Variants in F3 observed in about 807,000 individuals in gnomAD.
F3 encodes coagulation factor III, tissue factor.
A neutral mutation model predicts 33.5 loss-of-function variants in F3; 18 were observed. The observed-to-expected ratio is 0.54, with a 90% CI of 0.37 to 0.80. The LOEUF is 0.80. Ranked by LOEUF, F3 falls within the 30% of genes least tolerant of loss-of-function variation. The pLI, the probability that F3 is intolerant of heterozygous loss-of-function variation, is 0.00. For missense variants in F3, 353 were observed against 362.1 expected (o/e 0.97, Z 0.20); for synonymous variants, 147 against 140.7 (o/e 1.05, Z -0.32).
intron 2 of F3, among the ~76,000 whole-genome samples, chr1:94,538,399 C>T (rs1651673153): frequency 6.6e-6 from 1 of 152,204 alleles, no homozygotes; most frequent in Non-Finnish European, 1.5e-5. Context: ...TTCTGCACAG[C>T]AGTAGTGTCC....
intron 1 of F3, 80 bp from the exon 2 acceptor site, chr1:94,540,448 C>A: frequency 1.2e-6 from 1 of 808,042 alleles, no homozygotes; most frequent in South Asian, 1.7e-5. Flanking sequence ...CACCTTCCCA[C>A]CTGACATCAC....
At chr1:94,532,975 A>G in intron 4 of F3, 115 bp downstream of exon 4, 3 of 1,087,982 alleles carry the variant, frequency 2.8e-6, no homozygotes, top group Non-Finnish European at 4.0e-6. Context: ...CTTCTACTCC[A>G]TCACCTTCTC....
chr1:94,537,847 T>A (rs1239626731), intron 2 of F3, among the ~76,000 whole-genome samples: 1 of 152,252 alleles, frequency 6.6e-6, no homozygotes, highest in East Asian at 1.9e-4. Context: ...TATTTTATCA[T>A]TTCCATTTCA....
chr1:94,535,836 G>C, intron 3 of F3, 129 bp downstream of exon 3: 1 of 833,376 alleles, frequency 1.2e-6, no homozygotes, highest in East Asian at 2.6e-5. Context: ...AGAGGGCTGT[G>C]ATACATACCA....
At chr1:94,540,400 A>C (rs1423022198) in intron 1 of F3, 32 bp from the exon 2 acceptor site, 4 of 1,461,918 alleles carry the variant, frequency 2.7e-6, no homozygotes, top group Non-Finnish European at 3.8e-6. Context: ...CTATTATTAC[A>C]TGCACTTCAG....
At chr1:94,532,629 T>C (rs970101288) in intron 4 of F3, 149 bp from the exon 5 acceptor site, 4 of 839,794 alleles carry the variant, frequency 4.8e-6, no homozygotes, top group Non-Finnish European at 7.4e-6. Context: ...ACTTCGCTAA[T>C]CAGTTTCCCT....
At chr1:94,540,728 G>C (rs896940621) in intron 1 of F3, 10 of 196,532 alleles carry the variant, frequency 5.1e-5, no homozygotes, top group Non-Finnish European at 8.1e-5. Context: ...CCGCCAGGAA[G>C]GGTTTTCAGT....
intron 2 of F3, among the ~76,000 whole-genome samples, chr1:94,537,922 G>A (rs1378877550): frequency 6.6e-6 from 1 of 152,168 alleles, no homozygotes; most frequent in African/African-American, 2.4e-5. Context: ...CAGATAACAG[G>A]AGAAAGTCTC....
intron 3 of F3, among the ~76,000 whole-genome samples, chr1:94,535,385 A>G (rs1651571589): frequency 6.6e-6 from 1 of 152,088 alleles, no homozygotes; most frequent in Admixed American, 6.6e-5. Flanking sequence ...AAAGTATTCC[A>G]CCTTTCCAAA....
intron 3 of F3, among the ~76,000 whole-genome samples, chr1:94,533,617 T>C (rs1651500300): frequency 6.6e-6 from 1 of 152,168 alleles, no homozygotes; most frequent in African/African-American, 2.4e-5. Flanking sequence ...GTGGATCCAC[T>C]TGTATGCAAA....
Position 94,540,306 on chromosome 1 carries a change from A to G in F3, c.163T>C (p.Leu55=). ...TWKSTNFKTI[L]EWEPKPVNQV... Reference sequence around the variant, plus strand: ...TTGACGGGTTTGGGTTCCCACTCCAAAATTGTCTTGAAATTAGTTGATTTC... The same window carrying G: ...TTGACGGGTTTGGGTTCCCACTCCAGAATTGTCTTGAAATTAGTTGATTTC... The change falls in exon 2 of 6, where the codon TTG becomes CTG. Residue 55 remains leucine, a synonymous_variant. Transcript: ENST00000334047. 6.2e-7 allele frequency: 1 copy of G among 1,614,122 alleles called. No homozygotes were observed. The highest frequency in any genetic ancestry group is 8.5e-7 in the Non-Finnish European group (1 of 1,180,018).
chr1:94,534,857 A>C (rs1651551573), intron 3 of F3, among the ~76,000 whole-genome samples: 1 of 152,194 alleles, frequency 6.6e-6, no homozygotes, highest in Non-Finnish European at 1.5e-5. Flanking sequence ...AGAACTATTA[A>C]TATAAAAGAG....
At chr1:94,539,039 T>C (rs192081995) in intron 2 of F3, among the ~76,000 whole-genome samples, 4 of 152,280 alleles carry the variant, frequency 2.6e-5, no homozygotes, top group Non-Finnish European at 5.9e-5. Context: ...CCTCAAATAT[T>C]AGATTGAATA....
At chr1:94,541,507 C>G in intron 1 of F3, 30 bp downstream of exon 1, 1 of 1,439,424 alleles carries the variant, frequency 6.9e-7, no homozygotes, top group Non-Finnish European at 9.2e-7. Flanking sequence ...TGTGGCGCGC[C>G]CCGGGCTTCC....
In F3 at chr1:94,535,014, G is replaced by C. The variant is rs577796765; in HGVS notation, c.412+951C>G. 1.7e-4 allele frequency among the ~76,000 whole-genome samples: 26 copies of C among 152,132 alleles called. No individual in the cohort carries two copies. The South Asian group carries it at 2.3e-3, about 13-fold the overall frequency. On this transcript the variant is annotated intron_variant, in intron 3 of 5. Coordinates refer to ENST00000334047, the MANE Select transcript of F3 (RefSeq NM_001993.5). ...TGGGGGTCTGGAGGGTCTTGCAAAT[G>C]GGGGCTCTGGGAAGGCAGCCACATT...
In F3 at chr1:94,533,309, CTG is replaced by C. The variant is rs1557701087; in HGVS notation, c.413-43_413-42del. The C allele has an allele frequency of 3.8e-6, 6 of 1,584,416 alleles. No homozygotes were observed. In the South Asian group the frequency reaches 7.0e-5, roughly 19 times the overall value. On this transcript the variant is annotated intron_variant, in intron 3 of 5. Coordinates refer to ENST00000334047, the MANE Select transcript of F3 (RefSeq NM_001993.5). ...TGAGCTTGGTTGGAACCAAAGAATT[CTG>C]TACAAAGTCAAATCCTGTTTTGTTA...
In F3 at chr1:94,529,848, TG is replaced by T. The variant is rs1384588395; in HGVS notation, c.*611del. The stretch of plus-strand genomic sequence containing the variant: ...TAGCACTTTGGGAGGCCAAGGTGGG[TG>T]GATCACCTGAGGTCAGGAATTCAAG... On this transcript the variant is annotated 3_prime_UTR_variant, in exon 6 of 6. Transcript: ENST00000334047. The T allele has an allele frequency of 6.6e-6, 1 of 151,842 alleles. No homozygotes were observed. The highest frequency in any genetic ancestry group is 1.5e-5 in the Non-Finnish European group (1 of 68,008). 9.4% of individuals were successfully genotyped at this position (151,842 alleles called of 1,614,324 possible).
At chr1:94,536,268 C>G in intron 2 of F3, 104 bp from the exon 3 acceptor site, 3 of 993,558 alleles carry the variant, frequency 3.0e-6, no homozygotes, top group African/African-American at 3.2e-5. Context: ...ACATCAGGAG[C>G]CCTACAATCA....
chr1:94,541,592 G>A lies in F3; in HGVS notation c.45C>T (p.Ala15=), dbSNP rs754600041. The change falls in exon 1 of 6, where the codon GCC becomes GCT. Residue 15 remains alanine, a synonymous_variant. Transcript: ENST00000334047. ...AWPRVPRPET[A]VARTLLLGWV... is the part of the protein sequence containing the mutation. ...AGCCGAGCAGGAGCGTCCGAGCGAC[G>A]GCGGTCTCGGGGCGCGGGACCCGGG... The A allele has an allele frequency of 6.1e-6, 9 of 1,471,560 alleles. No individual in the cohort carries two copies. The highest frequency in any genetic ancestry group is 8.1e-6 in the Non-Finnish European group (9 of 1,109,934). 91.2% of individuals were successfully genotyped at this position (1,471,560 alleles called of 1,614,324 possible).
Sources: gnomAD v4.1 joint callset for allele counts (sites outside exome capture counted in the v4.1 genomes callset) on GRCh38, gnomAD v4.1.1 for gene constraint, MANE v1.5 for transcripts, NCBI Gene and HGNC (gene_info 2026-07-23, HGNC 2026-07-21) for gene names.